MYL6B: variants seen among roughly 807,000 people sequenced by gnomAD.
MYL6B encodes the protein myosin light chain 6B, also known as myosin alkali light chain 1 slow a.
MYL6B carries 19 observed loss-of-function variants against 24.5 expected under a neutral mutation model. That is an observed-to-expected ratio of 0.78 (90% confidence interval 0.54 to 1.14). The LOEUF (loss-of-function observed/expected upper bound fraction) is 1.14, where lower values mean the gene tolerates loss of function less well. MYL6B is among the 50% of genes most tolerant of loss of function. MYL6B has a pLI of 0.00. For missense variants in MYL6B, 230 were observed against 263.8 expected, an observed-to-expected ratio of 0.87 and a Z score of 0.89; for synonymous variants, 90 against 100.7, an observed-to-expected ratio of 0.89 and a Z score of 0.64.
chr12:56,153,747 T>A (rs1871196910), intron 1 of MYL6B, 126 bp from the exon 2 acceptor site: 2 of 661,626 alleles, frequency 3.0e-6, no homozygotes, highest in Non-Finnish European at 5.0e-6. Context: ...TCCTGAACCA[T>A]AGGAGGCCAG....
exon 6 of MYL6B, chr12:56,157,479 A>C (rs1871372581): frequency 6.2e-7 from 1 of 1,613,778 alleles, no homozygotes; most frequent in African/African-American, 1.3e-5. Flanking sequence ...AGAGAAGATG[A>C]CTGAGGAGGA....
chr12:56,157,504 T>C, exon 6 of MYL6B: 1 of 1,614,046 alleles, frequency 6.2e-7, no homozygotes, highest in Non-Finnish European at 8.5e-7. Flanking sequence ...GAGACCGTTC[T>C]GGCAGGACAC....
exon 2 of MYL6B, chr12:56,154,031 C>T: frequency 6.2e-7 from 1 of 1,614,092 alleles, no homozygotes; most frequent in Non-Finnish European, 8.5e-7. Context: ...AAAGCTGAGC[C>T]AGCTGTCCCC....
intron 2 of MYL6B, 72 bp downstream of exon 2, chr12:56,154,164 G>T: frequency 6.9e-7 from 1 of 1,451,754 alleles, no homozygotes. Flanking sequence ...AGGGGATTAG[G>T]GGGTATCTAG....
At chr12:56,156,856 G>C (rs1223587567) in intron 5 of MYL6B, 1 of 152,216 alleles carries the variant, frequency 6.6e-6, no homozygotes, top group African/African-American at 2.4e-5. Flanking sequence ...TTCGAGACCA[G>C]CCTGAGCAAC....
At position 56,157,750 on chromosome 12, in the gene MYL6B, C is replaced by G. The variant is rs758829408; in HGVS notation, c.*24C>G. 6.2e-7 allele frequency: 1 copy of G among 1,609,608 alleles called. No individual in the cohort carries two copies. The highest frequency in any genetic ancestry group is 1.1e-5 in the South Asian group (1 of 91,036). ...GAGTGCTGCAGGTAGGGCCCTCCCA[C>G]CCCTTCGCCGCGCCTTACGAGGCAA... On this transcript the variant is annotated 3_prime_UTR_variant, in exon 7 of 7. Coordinates refer to ENST00000553066, the Ensembl canonical transcript of MYL6B.
intron 5 of MYL6B, chr12:56,156,073 AG>A: frequency 9.4e-7 from 1 of 1,059,034 alleles, no homozygotes; most frequent in Non-Finnish European, 1.2e-6. Context: ...TGGGAGACCA[AG>A]GCGGGCGGAT....
Position 56,157,450 on chromosome 12 carries a change from G to A in MYL6B, c.521-18G>A, listed in dbSNP as rs758101940. 11 of 1,612,224 alleles carry A rather than the reference G, an allele frequency of 6.8e-6. No individual in the cohort carries two copies. Among genetic ancestry groups the A allele is most frequent in the Non-Finnish European group, 8.5e-6 (10 of 1,178,406 alleles). On this transcript the variant is annotated intron_variant, in intron 5 of 6. Coordinates refer to ENST00000553066, the Ensembl canonical transcript of MYL6B. ...AAGGAGGGAAAGGAGGGCCTCAGACGTTGTGTCTGGGATTCAGGAGAGAAG... is the reference window on the plus strand; with the variant it reads ...AAGGAGGGAAAGGAGGGCCTCAGACATTGTGTCTGGGATTCAGGAGAGAAG...
chr12:56,154,909 C>T, intron 3 of MYL6B, 69 bp downstream of exon 3: 1 of 1,588,808 alleles, frequency 6.3e-7, no homozygotes, highest in Non-Finnish European at 8.6e-7. Context: ...TTTCTATTCC[C>T]CTAACCCCAG....
intron 1 of MYL6B, among the ~76,000 whole-genome samples, chr12:56,153,161 G>A (rs1326466188): frequency 1.3e-5 from 2 of 152,056 alleles, no homozygotes; most frequent in East Asian, 3.9e-4. Flanking sequence ...GTGGGCTTGT[G>A]GAAGGTTTCT....
At chr12:56,157,423 TGAA>T (rs1565881998) in intron 5 of MYL6B, 42 bp from the exon 6 acceptor site, 2 of 1,543,822 alleles carry the variant, frequency 1.3e-6, no homozygotes. Flanking sequence ...CCTGGGTGAG[TGAA>T]GGAGGGAAAG....
rs1321574339 is a variant in MYL6B, at chr12:56,155,638, G to A, written c.520+46G>A. ...CAGAACTCCTTTAGAGTGGAGAGGGGGATGGGGTGGGCCAGAAAGACTGGA... is the reference window on the plus strand; with the variant it reads ...CAGAACTCCTTTAGAGTGGAGAGGGAGATGGGGTGGGCCAGAAAGACTGGA... On this transcript the variant is annotated intron_variant, in intron 5 of 6. Transcript: ENST00000553066. 3.7e-6 allele frequency: 6 copies of A among 1,611,350 alleles called. No homozygotes were observed. In the African/African-American group the frequency reaches 5.3e-5, roughly 14 times the overall value.
At chr12:56,156,096 G>A (rs188132255) in intron 5 of MYL6B, 37 of 928,130 alleles carry the variant, frequency 4.0e-5, no homozygotes, top group African/African-American at 3.3e-4. Context: ...ACCTTAGCTC[G>A]GGAGTTCGAG....
intron 4 of MYL6B, 72 bp from the exon 5 acceptor site, chr12:56,155,347 T>A: frequency 6.2e-7 from 1 of 1,604,166 alleles, no homozygotes; most frequent in Non-Finnish European, 8.5e-7. Context: ...ATGAAAGCAT[T>A]GTGGTAGGGT....
At chr12:56,157,698 C>G in exon 7 of MYL6B, 1 of 1,612,968 alleles carries the variant, frequency 6.2e-7, no homozygotes, top group South Asian at 1.1e-5. Context: ...CTCTCTGCAG[C>G]CTTCTTGAAA....
At position 56,156,924 on chromosome 12, in the gene MYL6B, C is replaced by T. The variant is rs187950726; in HGVS notation, c.521-544C>T. The stretch of plus-strand genomic sequence containing the variant: ...AAAATTAGCCAGGCGTGGTGGTGCA[C>T]GCTTGTAGTCCCAGCTACTTCGAAG... On this transcript the variant is annotated intron_variant, in intron 5 of 6. Transcript: ENST00000553066. 7.4e-4 allele frequency: 112 copies of T among 152,132 alleles called. No homozygotes were observed. The East Asian group carries it at 0.02, about 27-fold the overall frequency. 9.4% of individuals were successfully genotyped at this position (152,132 alleles called of 1,614,324 possible).
At chr12:56,154,441 G>A (rs1871229304) in intron 2 of MYL6B, among the ~76,000 whole-genome samples, 1 of 152,212 alleles carries the variant, frequency 6.6e-6, no homozygotes, top group African/African-American at 2.4e-5. Context: ...AATTCAAAAG[G>A]CCTGCAGCTC....
chr12:56,154,754 G>A (rs1871241420), intron 2 of MYL6B, 59 bp from the exon 3 acceptor site: 2 of 1,575,456 alleles, frequency 1.3e-6, no homozygotes, highest in South Asian at 1.2e-5. Context: ...GTTGGGAGGA[G>A]TGCGGGAGAG....
chr12:56,156,631 C>G lies in MYL6B; in HGVS notation c.521-837C>G, dbSNP rs563500325. Among the ~76,000 whole-genome samples the G allele has an allele frequency of 2.0e-5, 3 of 151,708 alleles. No homozygotes were observed. In the East Asian group the frequency reaches 5.9e-4, roughly 30 times the overall value. On this transcript the variant is annotated intron_variant, in intron 5 of 6. Transcript: ENST00000553066. Reference sequence around the variant, plus strand: ...AAAAAAGCAAAACAGCATGGGCTGGCCGGGAGCAGTGGCTCACTCCTGTAA... The same window carrying G: ...AAAAAAGCAAAACAGCATGGGCTGGGCGGGAGCAGTGGCTCACTCCTGTAA...
Sources: allele counts gnomAD v4.1 joint callset (sites outside exome capture counted in the v4.1 genomes callset), GRCh38; gene constraint gnomAD v4.1.1; transcripts MANE v1.5; gene names NCBI Gene and HGNC (gene_info 2026-07-23, HGNC 2026-07-21).